RNF10: variants seen among roughly 807,000 people sequenced by gnomAD.
RNF10 encodes the protein E3 ubiquitin-protein ligase RNF10.
Under a neutral mutation model 91.4 loss-of-function variants are expected in RNF10, and 38 were observed. That is an observed-to-expected ratio of 0.42 (90% CI 0.32 to 0.54). The LOEUF (loss-of-function observed/expected upper bound fraction) is 0.54, where lower values mean the gene tolerates loss of function less well. Ranked by LOEUF, RNF10 falls within the 20% of genes least tolerant of loss-of-function variation. RNF10 has a pLI of 0.16. For missense variants in RNF10, 945 were observed against 1,012.0 expected (o/e 0.93, Z 0.90); for synonymous variants, 364 against 366.3 (o/e 0.99, Z 0.07).
At chr12:120,571,321 G>A in intron 14 of RNF10, 30 bp downstream of exon 14, 1 of 1,502,342 alleles carries the variant, frequency 6.7e-7, no homozygotes, top group Non-Finnish European at 9.3e-7. Flanking sequence ...AGCAGCCCAG[G>A]GGTATTTAAC....
In RNF10 at chr12:120,577,552, G is replaced by A. The variant is rs1428629343; in HGVS notation, c.*886G>A. ...GTGACCTCTAGGTGCATTAGAATGC[G>A]AAGGCAAATAGTTGCAATAAATCAC... On this transcript the variant is annotated 3_prime_UTR_variant, in exon 17 of 17. Coordinates refer to ENST00000325954, the MANE Select transcript of RNF10 (RefSeq NM_014868.5). 3 of 175,190 alleles carry A rather than the reference G, an allele frequency of 1.7e-5. No individual in the cohort carries two copies. Among genetic ancestry groups the A allele is most frequent in the African/African-American group, 4.8e-5 (2 of 41,548 alleles). 10.9% of individuals were successfully genotyped at this position (175,190 alleles called of 1,614,324 possible). A position where few individuals can be genotyped will look rare whatever the true frequency, so the allele number is the denominator to read the frequency against.
intron 1 of RNF10, among the ~76,000 whole-genome samples, chr12:120,544,259 A>C (rs1374677734): frequency 6.6e-6 from 1 of 151,276 alleles, no homozygotes; most frequent in Non-Finnish European, 1.5e-5. Flanking sequence ...ATGGTGGTTC[A>C]TGCCTTTAAT....
intron 11 of RNF10, 81 bp downstream of exon 11, chr12:120,565,270 TTA>T: frequency 1.7e-6 from 2 of 1,171,848 alleles, no homozygotes; most frequent in Non-Finnish European, 2.6e-6. Context: ...GGGAGGAAAC[TTA>T]TGGAACTGTA....
Position 120,560,900 on chromosome 12 carries a change from T to A in RNF10, c.1128+14T>A, listed in dbSNP as rs756153614. The A allele has an allele frequency of 6.2e-7, 1 of 1,612,798 alleles. No individual in the cohort carries two copies. Among genetic ancestry groups the A allele is most frequent in the Non-Finnish European group, 8.5e-7 (1 of 1,179,140 alleles). ...CAGGAGCTCAAGGTGAGAGGATGCATTGGAGATGCTAAACCTTTTCACTTT... is the reference window on the plus strand; with the variant it reads ...CAGGAGCTCAAGGTGAGAGGATGCAATGGAGATGCTAAACCTTTTCACTTT... On this transcript the variant is annotated intron_variant, in intron 7 of 16. Coordinates refer to ENST00000325954, the MANE Select transcript of RNF10 (RefSeq NM_014868.5).
intron 1 of RNF10, among the ~76,000 whole-genome samples, chr12:120,539,836 G>A (rs887735857): frequency 6.6e-6 from 1 of 151,766 alleles, no homozygotes; most frequent in African/African-American, 2.4e-5. Context: ...AATCTCCTCA[G>A]GAACTTTTTT....
rs1338548365 is a variant in RNF10 at position 120,535,165 on chromosome 12, A to T, written c.157+197A>T. Among the ~76,000 whole-genome samples, 11 of 152,332 alleles carry T rather than the reference A, an allele frequency of 7.2e-5. 1 individual carries two copies. The highest frequency in any genetic ancestry group is 6.5e-4 in the Admixed American group (10 of 15,288). ...TGGTTTACGTGGATCATTTACATTA[A>T]TACTCAAAACTGCTCGATTAAGCAG... On this transcript the variant is annotated intron_variant, in intron 1 of 16. Coordinates refer to ENST00000325954, the MANE Select transcript of RNF10 (RefSeq NM_014868.5).
At chr12:120,565,699 A>G (rs1043697948) in intron 12 of RNF10, among the ~76,000 whole-genome samples, 170 bp downstream of exon 12, 6 of 152,190 alleles carry the variant, frequency 3.9e-5, no homozygotes, top group East Asian at 1.9e-4. Flanking sequence ...ATGAGTTAAT[A>G]TGGGTCAAAG....
intron 2 of RNF10, 125 bp downstream of exon 2, chr12:120,546,726 C>G: frequency 2.6e-6 from 2 of 779,584 alleles, no homozygotes; most frequent in Non-Finnish European, 3.8e-6. Context: ...TCAAAGCAGT[C>G]TTGAGTAGGC....
chr12:120,542,899 G>A (rs1024977469), intron 1 of RNF10, among the ~76,000 whole-genome samples: 3 of 152,162 alleles, frequency 2.0e-5, no homozygotes, highest in African/African-American at 7.2e-5. Context: ...GGATTTAAGG[G>A]TAACTGGTAG....
Position 120,557,618 on chromosome 12 carries a change from AGG to A in RNF10, c.906_907del (p.Leu304GlyfsTer20). ...ITMQLMKREKGVLVALPKSKW... is the reference protein window; with the variant it reads ...ITMQLMKREKXVLVALPKSKW... The stretch of plus-strand genomic sequence containing the variant: ...CGATGCAGCTGATGAAGAGGGAGAA[AGG>A]GGTGTTGGTGGCTTTGCCCAAATCC... On this transcript the variant is annotated frameshift_variant, in exon 6 of 17. Coordinates refer to ENST00000325954, the MANE Select transcript of RNF10 (RefSeq NM_014868.5). LOFTEE classifies it high-confidence loss of function. 6.2e-7 allele frequency: 1 copy of A among 1,614,194 alleles called. No homozygotes were observed. Among genetic ancestry groups the A allele is most frequent in the Non-Finnish European group, 8.5e-7 (1 of 1,180,032 alleles).
chr12:120,557,509 C>G (rs371676221), intron 5 of RNF10, 37 bp from the exon 6 acceptor site: 2 of 1,613,992 alleles, frequency 1.2e-6, no homozygotes, highest in East Asian at 2.2e-5. Flanking sequence ...AATCTCTTCA[C>G]TCCTTGCCCT....
At chr12:120,559,176 CTTTTTTTTT>C (rs34120761) in intron 6 of RNF10, among the ~76,000 whole-genome samples, 4 of 95,808 alleles carry the variant, frequency 4.2e-5, no homozygotes, top group Admixed American at 1.0e-4. Context: ...TTGAACTACT[CTTTTTTTTT>C]TTTTTTTTTT....
chr12:120,541,458 G>A (rs1401850408), intron 1 of RNF10, among the ~76,000 whole-genome samples: 1 of 140,888 alleles, frequency 7.1e-6, no homozygotes, highest in Non-Finnish European at 1.5e-5. Context: ...TTTTTGAGAC[G>A]GAGTCTCACT....
Position 120,565,530 on chromosome 12 carries a change from G to A in RNF10, c.1885+1G>A. On this transcript the variant is annotated splice_donor_variant, in intron 12 of 16. Transcript: ENST00000325954. LOFTEE classifies it high-confidence loss of function. ...GAGGAGAACAAGAAACAGGGCAAGT[G>A]TAAGTTCAGGAACTTTCATCTTTGA... is the stretch of plus-strand genomic sequence containing the variant. The A allele has an allele frequency of 2.5e-6, 4 of 1,613,328 alleles. No individual in the cohort carries two copies. Among genetic ancestry groups the A allele is most frequent in the Non-Finnish European group, 3.4e-6 (4 of 1,179,524 alleles).
intron 1 of RNF10, among the ~76,000 whole-genome samples, chr12:120,545,636 C>T (rs1313602216): frequency 6.6e-6 from 1 of 151,954 alleles, no homozygotes; most frequent in Non-Finnish European, 1.5e-5. Context: ...CTCCCAGGTT[C>T]AAGCAGTTCT....
At chr12:120,557,868 GTTTAA>G (rs1874268708) in intron 6 of RNF10, among the ~76,000 whole-genome samples, 186 bp downstream of exon 6, 1 of 152,168 alleles carries the variant, frequency 6.6e-6, no homozygotes, top group East Asian at 1.9e-4. Flanking sequence ...TTTCAAGTTT[GTTTAA>G]TCTATACATC....
chr12:120,561,803 AT>A (rs1397517339), intron 7 of RNF10, among the ~76,000 whole-genome samples: 1 of 152,148 alleles, frequency 6.6e-6, no homozygotes, highest in Non-Finnish European at 1.5e-5. Flanking sequence ...TTGCAGCCGT[AT>A]TTGTTCAAAT....
At chr12:120,538,432 T>C (rs187175715) in intron 1 of RNF10, among the ~76,000 whole-genome samples, 2 of 152,344 alleles carry the variant, frequency 1.3e-5, no homozygotes, top group East Asian at 3.9e-4. Flanking sequence ...AGGATTTTCT[T>C]GATCTTTCCG....
At chr12:120,554,576 C>CT (rs1873672927) in intron 3 of RNF10, 142 bp from the exon 4 acceptor site, 1 of 644,784 alleles carries the variant, frequency 1.6e-6, no homozygotes, top group African/African-American at 1.8e-5. Flanking sequence ...AGAACTGAGG[C>CT]TGAGGTCCTA....
Sources: gnomAD v4.1 joint callset for allele counts (sites outside exome capture counted in the v4.1 genomes callset) on GRCh38, gnomAD v4.1.1 for gene constraint, MANE v1.5 for transcripts, NCBI Gene and HGNC (gene_info 2026-07-23, HGNC 2026-07-21) for gene names.